Variants in CACNA2D3 observed in about 807,000 individuals in gnomAD.
CACNA2D3 encodes the protein voltage-dependent calcium channel subunit alpha-2/delta-3.
A neutral mutation model predicts 160.6 loss-of-function variants in CACNA2D3; 60 were observed. That is an observed-to-expected ratio of 0.37 (90% CI 0.30 to 0.46). The LOEUF (loss-of-function observed/expected upper bound fraction) is 0.46. Among genes scored for constraint, CACNA2D3 ranks in the 20% least tolerant of loss-of-function variants. CACNA2D3 has a pLI of 1.00. For synonymous variants in CACNA2D3, 558 were observed against 492.9 expected (o/e 1.13, Z -1.75); for missense variants, 1,205 against 1,365.0 (o/e 0.88, Z 1.85).
chr3:54,738,990 C>G (rs1452610366), intron 11 of CACNA2D3, among the ~76,000 whole-genome samples: 1 of 152,050 alleles, frequency 6.6e-6, no homozygotes, highest in Non-Finnish European at 1.5e-5. Context: ...ACAAAACATA[C>G]AAAAATTAGC....
At chr3:54,420,547 A>G (rs1175001465) in intron 4 of CACNA2D3, among the ~76,000 whole-genome samples, 2 of 152,182 alleles carry the variant, frequency 1.3e-5, no homozygotes, top group Non-Finnish European at 2.9e-5. Flanking sequence ...GTCCACTTCC[A>G]GTCTCAGGTT....
At position 54,123,631 on chromosome 3, in the gene CACNA2D3, C is replaced by A. The variant is rs369045726; in HGVS notation, c.204+37C>A. ...GTGGTGGCAGGAAGCGATGATTTTTCCGGCACAGAAAATGGAGGCAGATTT... is the reference window on the plus strand; with the variant it reads ...GTGGTGGCAGGAAGCGATGATTTTTACGGCACAGAAAATGGAGGCAGATTT... On this transcript the variant is annotated intron_variant, in intron 2 of 37. Transcript: ENST00000474759. 783 of 1,549,012 alleles carry A rather than the reference C, an allele frequency of 5.1e-4. 5 individuals carry two copies. Among genetic ancestry groups the A allele is most frequent in the Non-Finnish European group, 9.0e-5 (101 of 1,120,732 alleles).
chr3:54,202,810 A>G (rs934447501), intron 2 of CACNA2D3, among the ~76,000 whole-genome samples: 1 of 152,192 alleles, frequency 6.6e-6, no homozygotes, highest in African/African-American at 2.4e-5. Flanking sequence ...ATTAATAGTT[A>G]TTAATTGTAG....
chr3:54,272,116 C>T (rs976002173), intron 2 of CACNA2D3, among the ~76,000 whole-genome samples: 3 of 152,152 alleles, frequency 2.0e-5, no homozygotes, highest in Admixed American at 6.5e-5. Context: ...TTCCCATATC[C>T]ATGGGCTACA....
chr3:54,131,571 T>C (rs111770762), intron 2 of CACNA2D3, among the ~76,000 whole-genome samples: 4 of 152,320 alleles, frequency 2.6e-5, no homozygotes, highest in African/African-American at 7.2e-5. Flanking sequence ...CTGGGAAGCC[T>C]TGGTTCTCAG....
At chr3:54,588,523 A>G (rs971989527) in intron 9 of CACNA2D3, among the ~76,000 whole-genome samples, 4 of 152,204 alleles carry the variant, frequency 2.6e-5, no homozygotes, top group African/African-American at 4.8e-5. Context: ...CTATTTTCAG[A>G]TAACATGATT....
chr3:54,218,014 GGAGA>G (rs151307160), intron 2 of CACNA2D3, among the ~76,000 whole-genome samples: 48 of 151,758 alleles, frequency 3.2e-4, no homozygotes, highest in Admixed American at 8.5e-4. Context: ...GGTGTATTCG[GGAGA>G]GAGAGAGAGG....
At chr3:54,526,677 G>A (rs867462840) in intron 5 of CACNA2D3, among the ~76,000 whole-genome samples, 1 of 152,026 alleles carries the variant, frequency 6.6e-6, no homozygotes, top group Non-Finnish European at 1.5e-5. Flanking sequence ...GTACCCATAA[G>A]TATTTGTTTT....
At chr3:54,209,152 C>G (rs562906901) in intron 2 of CACNA2D3, among the ~76,000 whole-genome samples, 1 of 152,256 alleles carries the variant, frequency 6.6e-6, no homozygotes, top group Admixed American at 6.5e-5. Context: ...ACAGCCAAAC[C>G]ATATCAGAAG....
intron 29 of CACNA2D3, among the ~76,000 whole-genome samples, chr3:54,982,148 G>C (rs1268915535): frequency 1.3e-5 from 2 of 152,106 alleles, no homozygotes; most frequent in Non-Finnish European, 2.9e-5. Context: ...GTCACCCATA[G>C]CCCTTAGCAA....
Position 54,752,791 on chromosome 3 carries a change from A to G in CACNA2D3, c.1246+114A>G, listed in dbSNP as rs1382075376. ...TAATTCTAAGATAAAGTCTGGGTATATCTAAGTGATTACTGATAGACTTGT... is the reference window on the plus strand; with the variant it reads ...TAATTCTAAGATAAAGTCTGGGTATGTCTAAGTGATTACTGATAGACTTGT... On this transcript the variant is annotated intron_variant, in intron 12 of 37. Coordinates refer to ENST00000474759, the MANE Select transcript of CACNA2D3 (RefSeq NM_018398.3). 4.4e-6 allele frequency: 3 copies of G among 689,654 alleles called. No individual in the cohort carries two copies. The African/African-American group carries it at 5.4e-5, about 12-fold the overall frequency. 42.7% of individuals were successfully genotyped at this position (689,654 alleles called of 1,614,324 possible). A position where few individuals can be genotyped will look rare whatever the true frequency, so the allele number is the denominator to read the frequency against.
intron 11 of CACNA2D3, among the ~76,000 whole-genome samples, chr3:54,703,890 C>T (rs1029697050): frequency 6.6e-6 from 1 of 152,208 alleles, no homozygotes; most frequent in African/African-American, 2.4e-5. Flanking sequence ...TTTAACTACT[C>T]AAGGAATCTT....
chr3:54,619,006 A>G (rs899747773), intron 9 of CACNA2D3, among the ~76,000 whole-genome samples: 1 of 152,248 alleles, frequency 6.6e-6, no homozygotes, highest in African/African-American at 2.4e-5. Context: ...CATGAAGTTC[A>G]TAAAGGATAC....
chr3:55,004,871 A>G (rs4955827), intron 32 of CACNA2D3, 33 bp downstream of exon 32: 1,434,084 of 1,475,998 alleles, frequency 0.97, 696,802 homozygotes, highest in East Asian at 1. Flanking sequence ...GAAAACAGCC[A>G]CACATTTCTG....
At chr3:54,626,396 A>G (rs1055272988) in intron 9 of CACNA2D3, 13 of 1,573,194 alleles carry the variant, frequency 8.3e-6, no homozygotes, top group Non-Finnish European at 1.1e-5. Context: ...TGCCTGCGCA[A>G]GGCCAAGAAG....
chr3:55,049,039 C>T (rs1704126445), intron 35 of CACNA2D3, among the ~76,000 whole-genome samples: 2 of 150,396 alleles, frequency 1.3e-5, no homozygotes, highest in African/African-American at 2.5e-5. Flanking sequence ...TTTGTTGATC[C>T]TTTCAAAAAA....
At chr3:54,164,459 T>A (rs75760408) in intron 2 of CACNA2D3, among the ~76,000 whole-genome samples, 6,552 of 152,324 alleles carry the variant, frequency 0.043, 178 homozygotes, top group Admixed American at 0.086. Flanking sequence ...CTCGGGGGAC[T>A]CCCCTGGAAT....
intron 29 of CACNA2D3, among the ~76,000 whole-genome samples, chr3:54,972,625 A>G (rs1189163152): frequency 6.6e-6 from 1 of 152,086 alleles, no homozygotes; most frequent in Non-Finnish European, 1.5e-5. Flanking sequence ...TTAGCCTTAG[A>G]TCCACTCCAG....
intron 17 of CACNA2D3, among the ~76,000 whole-genome samples, chr3:54,859,425 G>A (rs915341900): frequency 6.6e-6 from 1 of 152,186 alleles, no homozygotes; most frequent in Non-Finnish European, 1.5e-5. Flanking sequence ...CTCTGTGGAG[G>A]TTGCTAGGCA....
Sources: gnomAD v4.1 joint callset for allele counts (sites outside exome capture counted in the v4.1 genomes callset) on GRCh38, gnomAD v4.1.1 for gene constraint, MANE v1.5 for transcripts, NCBI Gene and HGNC (gene_info 2026-07-23, HGNC 2026-07-21) for gene names.